Variants in RGS9 observed in about 807,000 individuals in gnomAD.
The protein encoded by RGS9 is regulator of G-protein signalling 9.
RGS9 carries 78 observed loss-of-function variants against 102.0 expected under a neutral mutation model. The observed-to-expected ratio is 0.76, with a 90% CI of 0.64 to 0.92. The LOEUF (loss-of-function observed/expected upper bound fraction) is 0.92, where lower values mean the gene tolerates loss of function less well. Among genes scored for constraint, RGS9 ranks in the 40% least tolerant of loss-of-function variants. RGS9 has a pLI of 0.00. For missense variants in RGS9, 833 were observed against 866.1 expected, an observed-to-expected ratio of 0.96 and a Z score of 0.48; for synonymous variants, 353 against 318.6, an observed-to-expected ratio of 1.11 and a Z score of -1.15.
intron 15 of RGS9, among the ~76,000 whole-genome samples, chr17:65,206,324 A>G (rs888086038): frequency 3.9e-5 from 6 of 152,172 alleles, no homozygotes; most frequent in African/African-American, 1.2e-4. Flanking sequence ...TAGACGATTC[A>G]CAGCAGGGTT....
intron 9 of RGS9, among the ~76,000 whole-genome samples, chr17:65,183,704 T>A (rs1360673329): frequency 6.6e-6 from 1 of 152,172 alleles, no homozygotes; most frequent in African/African-American, 2.4e-5. Context: ...TTCCTCACGG[T>A]TCTCCCCATC....
chr17:65,225,155 A>C lies in RGS9; in HGVS notation c.1561A>C (p.Ile521Leu). ...CTTCATCCGGCGACCCAGCACCACCATCTGCCCCTCACCCATCAGAGTGGC... is the reference window on the plus strand; with the variant it reads ...CTTCATCCGGCGACCCAGCACCACCCTCTGCCCCTCACCCATCAGAGTGGC... ...SRFIRRPSTT[I>L]CPSPIRVALE... is the part of the protein sequence containing the mutation. Residue 521 changes from isoleucine (I) to leucine (L), a missense_variant, in exon 18 of 19, where the codon ATC (isoleucine) becomes CTC (leucine). Around this residue, in one of 3 missense-constraint regions of RGS9, gnomAD observed 320 missense variants for 276.8 expected, o/e 1.16. Coordinates refer to ENST00000262406, the MANE Select transcript of RGS9 (RefSeq NM_003835.4). The C allele has an allele frequency of 6.2e-7, 1 of 1,613,462 alleles. No homozygotes were observed. Among genetic ancestry groups the C allele is most frequent in the Non-Finnish European group, 8.5e-7 (1 of 1,179,976 alleles).
chr17:65,193,816 C>A (rs1004362354), intron 12 of RGS9, among the ~76,000 whole-genome samples, 160 bp downstream of exon 12: 1 of 152,084 alleles, frequency 6.6e-6, no homozygotes, highest in Admixed American at 6.5e-5. Context: ...AAAAAAGAAA[C>A]CCTGGACGCC....
At position 65,160,575 on chromosome 17, in the gene RGS9, G is replaced by A. The variant is rs769827599; in HGVS notation, c.352G>A (p.Asp118Asn). The change falls in exon 5 of 19, where the codon GAT (aspartate) becomes AAT (asparagine). Residue 118 changes from aspartate to asparagine, a missense_variant. Physicochemically the swap from Asp to Asn is conservative, Grantham distance 23. Coordinates refer to ENST00000262406, the MANE Select transcript of RGS9 (RefSeq NM_003835.4). The part of the protein sequence containing the change: ...FWPTQQWPAE[D>N]TDYAIYLAKR... ...GCCCACCCAGCAGTGGCCAGCTGAA[G>A]ATACCGATTACGGTAAATACTTCAG... is the stretch of plus-strand genomic sequence containing the variant. 5.0e-6 allele frequency: 8 copies of A among 1,614,188 alleles called. 1 individual carries two copies. Among genetic ancestry groups the A allele is most frequent in the Non-Finnish European group, 6.8e-6 (8 of 1,180,026 alleles).
chr17:65,187,730 G>A (rs1912177856), intron 9 of RGS9, among the ~76,000 whole-genome samples: 1 of 152,240 alleles, frequency 6.6e-6, no homozygotes, highest in African/African-American at 2.4e-5. Context: ...GGGTGCGGTG[G>A]CTCACGCCTG....
Position 65,137,428 on chromosome 17 carries a change from G to T in RGS9, c.-113G>T. 9.3e-7 allele frequency: 1 copy of T among 1,075,758 alleles called. No individual in the cohort carries two copies. The highest frequency in any genetic ancestry group is 1.3e-5 in the South Asian group (1 of 79,904). 66.6% of individuals were successfully genotyped at this position (1,075,758 alleles called of 1,614,324 possible). A position where few individuals can be genotyped will look rare whatever the true frequency, so the allele number is the denominator to read the frequency against. On this transcript the variant is annotated 5_prime_UTR_variant, in exon 1 of 19. Transcript: ENST00000262406. ...CGGCCCGCGCCCTCCCCGCCCAGCC[G>T]CCTCCCCGTCGACGCCCAGGGCTGG...
At chr17:65,146,405 T>C (rs1910362208) in intron 1 of RGS9, among the ~76,000 whole-genome samples, 1 of 151,122 alleles carries the variant, frequency 6.6e-6, no homozygotes, top group Non-Finnish European at 1.5e-5. Context: ...CTGGCAAACC[T>C]GGTGAAACCC....
chr17:65,162,314 T>A (rs1159170819), intron 6 of RGS9, among the ~76,000 whole-genome samples: 4 of 152,056 alleles, frequency 2.6e-5, no homozygotes, highest in Non-Finnish European at 5.9e-5. Flanking sequence ...CCCAGGAGTT[T>A]GAGGCTGCAG....
intron 8 of RGS9, among the ~76,000 whole-genome samples, chr17:65,169,982 A>C (rs1911350625): frequency 6.7e-6 from 1 of 149,558 alleles, no homozygotes; most frequent in African/African-American, 2.5e-5. Flanking sequence ...TGTCACCGTC[A>C]CCATCACAGT....
intron 9 of RGS9, among the ~76,000 whole-genome samples, chr17:65,183,103 TCTATC>T (rs1911959804): frequency 6.8e-6 from 1 of 147,010 alleles, no homozygotes; most frequent in Non-Finnish European, 1.5e-5. Context: ...TATCTATCTA[TCTATC>T]TACCTACCTA....
chr17:65,212,137 C>T (rs966551771), intron 17 of RGS9, among the ~76,000 whole-genome samples: 2 of 152,362 alleles, frequency 1.3e-5, no homozygotes, highest in African/African-American at 4.8e-5. Context: ...TTCACATAGT[C>T]TCTTCTACTT....
chr17:65,193,113 A>C (rs1272696533), intron 11 of RGS9, among the ~76,000 whole-genome samples: 1 of 151,530 alleles, frequency 6.6e-6, no homozygotes, highest in Non-Finnish European at 1.5e-5. Flanking sequence ...ATACAAAAAA[A>C]AAAAAAAATT....
At chr17:65,224,503 C>G (rs571631049) in intron 17 of RGS9, among the ~76,000 whole-genome samples, 116 of 152,338 alleles carry the variant, frequency 7.6e-4, no homozygotes, top group African/African-American at 2.7e-3. Context: ...AAGGAGGGGC[C>G]TCAGGCCCGG....
intron 9 of RGS9, among the ~76,000 whole-genome samples, chr17:65,180,729 T>C (rs4588019): frequency 0.18 from 27,455 of 152,126 alleles, 3,048 homozygotes; most frequent in African/African-American, 0.3. Flanking sequence ...GAGTTTGGTA[T>C]ATAGATTATC....
In RGS9 at chr17:65,190,237, G is replaced by C. The variant is rs745697064; in HGVS notation, c.746+1G>C. 1 of 1,611,252 alleles carries C rather than the reference G, an allele frequency of 6.2e-7. No individual in the cohort carries two copies. Among genetic ancestry groups the C allele is most frequent in the African/African-American group, 1.3e-5 (1 of 74,872 alleles). ...TGAAGTCTTCTGTGTCCCTGGGAGG[G>C]TATGTCCCTGATTTGTTGATCTTGC... On this transcript the variant is annotated splice_donor_variant, in intron 11 of 18. Coordinates refer to ENST00000262406, the MANE Select transcript of RGS9 (RefSeq NM_003835.4). LOFTEE classifies it high-confidence loss of function.
intron 1 of RGS9, among the ~76,000 whole-genome samples, chr17:65,144,486 A>G (rs1369128183): frequency 6.6e-6 from 1 of 151,816 alleles, no homozygotes; most frequent in Non-Finnish European, 1.5e-5. Context: ...TGACACCCTG[A>G]CCCCCTTCTC....
At chr17:65,181,904 A>G (rs982710925) in intron 9 of RGS9, among the ~76,000 whole-genome samples, 1 of 152,232 alleles carries the variant, frequency 6.6e-6, no homozygotes, top group Non-Finnish European at 1.5e-5. Context: ...CACAGCTGGT[A>G]TTATTCTAAA....
chr17:65,141,414 G>T (rs994723066), intron 1 of RGS9, among the ~76,000 whole-genome samples: 22 of 152,220 alleles, frequency 1.4e-4, no homozygotes, highest in African/African-American at 4.6e-4. Flanking sequence ...AAGCCTTCTG[G>T]TGACAGCTTT....
At chr17:65,176,990 G>T (rs577278472) in intron 8 of RGS9, among the ~76,000 whole-genome samples, 1 of 132,218 alleles carries the variant, frequency 7.6e-6, no homozygotes, top group South Asian at 2.5e-4. Context: ...CCATCCATTC[G>T]TACACCATTC....
Sources: allele counts gnomAD v4.1 joint callset (sites outside exome capture counted in the v4.1 genomes callset), GRCh38; gene constraint gnomAD v4.1.1; regional missense constraint gnomAD v4.1.1; transcripts MANE v1.5; gene names NCBI Gene and HGNC (gene_info 2026-07-23, HGNC 2026-07-21).